Variants in TLN2 observed in about 807,000 individuals in gnomAD.
TLN2 encodes the protein talin 2.
Under a neutral mutation model 294.7 loss-of-function variants are expected in TLN2, and 118 were observed. The ratio of observed to expected loss-of-function variants is 0.40; its 90% CI spans 0.34 to 0.47. The LOEUF (loss-of-function observed/expected upper bound fraction) is 0.47. Among genes scored for constraint, TLN2 ranks in the 20% least tolerant of loss-of-function variants. The pLI is 0.84. For synonymous variants in TLN2, 1,431 were observed against 1,304.5 expected (o/e 1.10, Z -2.09); for missense variants, 3,083 against 3,282.2 (o/e 0.94, Z 1.48).
chr15:62,498,017 G>T (rs1249136870), intron 1 of TLN2, among the ~76,000 whole-genome samples: 1 of 151,922 alleles, frequency 6.6e-6, no homozygotes, highest in Non-Finnish European at 1.5e-5. Context: ...GGAGGCCAGG[G>T]TGGGCAGATC....
chr15:62,590,712 G>A (rs1245142531), intron 2 of TLN2, among the ~76,000 whole-genome samples: 1 of 152,192 alleles, frequency 6.6e-6, no homozygotes, highest in African/African-American at 2.4e-5. Flanking sequence ...TGGGGGGGTT[G>A]TGTGATCCCA....
At position 62,785,666 on chromosome 15, in the gene TLN2, AGG is replaced by A. The variant is rs1491535050; in HGVS notation, c.5736+1779_5736+1780del. Among the ~76,000 whole-genome samples, 21 of 150,870 alleles carry A rather than the reference AGG, an allele frequency of 1.4e-4. 2 individuals carry two copies. Among genetic ancestry groups the A allele is most frequent in the South Asian group, 2.1e-4 (1 of 4,774 alleles). ...ACTCCATCTCAAAAAAAAAAAAAAA[AGG>A]GGAAGAAGTGTTTGGCAAGGGAGGT... On this transcript the variant is annotated intron_variant, in intron 45 of 58. Transcript: ENST00000636159.
chr15:62,693,506 C>T (rs1423197426), intron 13 of TLN2, among the ~76,000 whole-genome samples: 7 of 152,180 alleles, frequency 4.6e-5, no homozygotes, highest in African/African-American at 1.7e-4. Context: ...ATGAGCCTAG[C>T]ACCCCTCAGC....
intron 1 of TLN2, among the ~76,000 whole-genome samples, chr15:62,579,878 A>G (rs1394140764): frequency 6.6e-6 from 1 of 152,222 alleles, no homozygotes; most frequent in Non-Finnish European, 1.5e-5. Context: ...GGCAGTGAGA[A>G]TAAAAATGGA....
intron 46 of TLN2, 60 bp downstream of exon 46, chr15:62,792,847 T>C: frequency 1.9e-6 from 3 of 1,593,738 alleles, no homozygotes; most frequent in Non-Finnish European, 8.5e-7. Context: ...AGTGATCCGC[T>C]GTAATCAAGG....
chr15:62,811,542 T>G (rs1255198167), intron 52 of TLN2, among the ~76,000 whole-genome samples: 2 of 152,162 alleles, frequency 1.3e-5, no homozygotes, highest in Non-Finnish European at 2.9e-5. Context: ...TAGGGTGCAA[T>G]CAGTAGATTT....
At chr15:62,797,476 C>CT in intron 48 of TLN2, 74 bp downstream of exon 48, 1 of 1,466,698 alleles carries the variant, frequency 6.8e-7, no homozygotes, top group Non-Finnish European at 9.0e-7. Flanking sequence ...CAGAAGAGGC[C>CT]TAAGGCAGAA....
chr15:62,671,952 G>C (rs1390716358), intron 9 of TLN2, among the ~76,000 whole-genome samples: 1 of 151,996 alleles, frequency 6.6e-6, no homozygotes, highest in Non-Finnish European at 1.5e-5. Flanking sequence ...ATACTTCCTA[G>C]GTGGTGCTGT....
chr15:62,707,368 C>A, intron 20 of TLN2, 115 bp downstream of exon 20: 1 of 1,277,376 alleles, frequency 7.8e-7, no homozygotes, highest in Non-Finnish European at 1.0e-6. Flanking sequence ...AGATTTAGAG[C>A]TTCCTTAAAG....
At chr15:62,574,431 T>A (rs114784238) in intron 1 of TLN2, among the ~76,000 whole-genome samples, 4,084 of 150,520 alleles carry the variant, frequency 0.027, 189 homozygotes, top group African/African-American at 0.095. Context: ...GGATGAAAAA[T>A]TTAGCCAGGC....
intron 1 of TLN2, among the ~76,000 whole-genome samples, chr15:62,518,607 GT>G (rs1045264747): frequency 1.3e-5 from 2 of 151,830 alleles, no homozygotes; most frequent in African/African-American, 2.4e-5. Flanking sequence ...TTTTTTGTTT[GT>G]TTTTTTGAGA....
At chr15:62,766,834 TC>T (rs1051078576) in intron 41 of TLN2, among the ~76,000 whole-genome samples, 12 of 152,198 alleles carry the variant, frequency 7.9e-5, no homozygotes, top group African/African-American at 2.9e-4. Flanking sequence ...TTTTGTGGTT[TC>T]TAACATAGTG....
At chr15:62,805,521 A>C in intron 50 of TLN2, 79 bp from the exon 51 acceptor site, 12 of 1,395,628 alleles carry the variant, frequency 8.6e-6, no homozygotes, top group South Asian at 1.5e-5. Flanking sequence ...GACACAAGCT[A>C]CAGCCTGGTT....
At position 62,711,934 on chromosome 15, in the gene TLN2, G is replaced by C. The variant is rs35864192; in HGVS notation, c.2491G>C (p.Val831Leu). The change falls in exon 22 of 59, where the codon GTT (valine) becomes CTT (leucine). Residue 831 changes from valine (V) to leucine (L), a missense_variant. Transcript: ENST00000636159. ...DAGEMVRQARVLAQATSDLVN... is the reference protein window; with the variant it reads ...DAGEMVRQARLLAQATSDLVN... ...AGGTGAAATGGTGCGCCAGGCGCGG[G>C]TTCTGGCCCAAGCCACATCAGACCT... 3.1e-6 allele frequency: 5 copies of C among 1,610,844 alleles called. No homozygotes were observed. In the African/African-American group the frequency reaches 6.7e-5, roughly 22 times the overall value.
At position 62,479,541 on chromosome 15, in the gene TLN2, A is replaced by G. The variant is rs148986311; in HGVS notation, c.-238+88856A>G. 1.1e-4 allele frequency among the ~76,000 whole-genome samples: 16 copies of G among 152,242 alleles called. No individual in the cohort carries two copies. In the East Asian group the frequency reaches 2.7e-3, roughly 26 times the overall value. ...ACCCAGGCTGGAGTGCAGTGGCGCA[A>G]TCTTGGCTCACTGCAACCTCCGCCT... On this transcript the variant is annotated intron_variant, in intron 1 of 58. Transcript: ENST00000636159.
chr15:62,742,072 T>TGTGTGTGTGTGTGTGTGA (rs1272145437), intron 32 of TLN2, among the ~76,000 whole-genome samples: 10 of 142,506 alleles, frequency 7.0e-5, no homozygotes, highest in East Asian at 2.1e-4. Context: ...TGTGTGTGTG[T>TGTGTGTGTGTGTGTGTGA]GTGAAGGGTT....
chr15:62,783,322 C>T (rs2064344584), intron 44 of TLN2, among the ~76,000 whole-genome samples: 1 of 152,236 alleles, frequency 6.6e-6, no homozygotes, highest in Non-Finnish European at 1.5e-5. Flanking sequence ...ACCAGATCAG[C>T]CCCCGACAGA....
chr15:62,399,597 C>T (rs2032864106), intron 1 of TLN2, among the ~76,000 whole-genome samples: 1 of 152,236 alleles, frequency 6.6e-6, no homozygotes, highest in African/African-American at 2.4e-5. Context: ...GTCATGGGAA[C>T]CCACCTCTTG....
chr15:62,812,801 G>C (rs1243871697), intron 52 of TLN2, among the ~76,000 whole-genome samples: 1 of 152,164 alleles, frequency 6.6e-6, no homozygotes, highest in Non-Finnish European at 1.5e-5. Context: ...CTCTGTCCGA[G>C]GGGCGGGCGG....
Sources: gnomAD v4.1 joint callset for allele counts (sites outside exome capture counted in the v4.1 genomes callset) on GRCh38, gnomAD v4.1.1 for gene constraint, MANE v1.5 for transcripts, NCBI Gene and HGNC (gene_info 2026-07-23, HGNC 2026-07-21) for gene names.